Variants in PAK5 observed in about 807,000 individuals in gnomAD.
PAK5 encodes the protein serine/threonine-protein kinase PAK 5.
Under a neutral mutation model 65.9 loss-of-function variants are expected in PAK5, and 16 were observed. The observed-to-expected ratio is 0.24, with a 90% confidence interval of 0.16 to 0.37. PAK5 has a LOEUF of 0.37. PAK5 is among the 10% of genes least tolerant of loss of function. The pLI is 1.00. For missense variants in PAK5, 785 were observed against 903.9 expected (o/e 0.87, Z 1.69); for synonymous variants, 371 against 354.9 (o/e 1.05, Z -0.51).
intron 1 of PAK5, among the ~76,000 whole-genome samples, chr20:9,809,335 A>ATTTT (rs3061945): frequency 0.061 from 8,295 of 135,204 alleles, 733 homozygotes; most frequent in African/African-American, 0.18. Context: ...GGCAATCCAA[A>ATTTT]TTTTTTTTTT....
chr20:9,584,428 T>C (rs1013559433), intron 3 of PAK5, among the ~76,000 whole-genome samples: 2 of 152,352 alleles, frequency 1.3e-5, no homozygotes, highest in East Asian at 3.9e-4. Context: ...TTCTCCTGCC[T>C]CAGCCTCCCC....
intron 3 of PAK5, among the ~76,000 whole-genome samples, chr20:9,617,068 G>T (rs2046670256): frequency 6.6e-6 from 1 of 152,196 alleles, no homozygotes; most frequent in Non-Finnish European, 1.5e-5. Flanking sequence ...TCAAAAGTGA[G>T]ATCAAACTAA....
intron 2 of PAK5, among the ~76,000 whole-genome samples, chr20:9,669,266 C>T (rs2047460726): frequency 2.0e-5 from 3 of 151,940 alleles, no homozygotes; most frequent in African/African-American, 7.3e-5. Context: ...CTCAGATTAC[C>T]AATATATTTA....
At chr20:9,740,098 G>T (rs749217600) in intron 1 of PAK5, among the ~76,000 whole-genome samples, 19 of 152,176 alleles carry the variant, frequency 1.2e-4, no homozygotes, top group Non-Finnish European at 2.5e-4. Context: ...ATAGGGAAAA[G>T]GAATTAAAAG....
chr20:9,641,393 A>G (rs6077573), intron 3 of PAK5, among the ~76,000 whole-genome samples: 1 of 145,710 alleles, frequency 6.9e-6, no homozygotes, highest in South Asian at 2.4e-4. Context: ...CCTTGAGCTA[A>G]ACACAGGGTG....
At chr20:9,622,535 C>T (rs1184661820) in intron 3 of PAK5, among the ~76,000 whole-genome samples, 1 of 152,180 alleles carries the variant, frequency 6.6e-6, no homozygotes, top group African/African-American at 2.4e-5. Flanking sequence ...GGTGTCCAAC[C>T]CGCGGGTCAT....
At chr20:9,581,161 T>C (rs1406129683) in intron 3 of PAK5, among the ~76,000 whole-genome samples, 1 of 152,196 alleles carries the variant, frequency 6.6e-6, no homozygotes, top group Non-Finnish European at 1.5e-5. Flanking sequence ...AACAGAGACA[T>C]CAAATAACCA....
intron 2 of PAK5, among the ~76,000 whole-genome samples, chr20:9,688,196 A>G (rs999983001): frequency 2.0e-5 from 3 of 152,110 alleles, no homozygotes; most frequent in Non-Finnish European, 4.4e-5. Flanking sequence ...AACAGAGGGC[A>G]GACTTTGCTT....
chr20:9,738,570 C>T (rs1055913222), intron 1 of PAK5, among the ~76,000 whole-genome samples: 1 of 152,090 alleles, frequency 6.6e-6, no homozygotes, highest in Non-Finnish European at 1.5e-5. Flanking sequence ...AGGAAAAAAA[C>T]ATACTGAACG....
At chr20:9,738,011 C>T (rs764476487) in intron 1 of PAK5, among the ~76,000 whole-genome samples, 3 of 151,898 alleles carry the variant, frequency 2.0e-5, no homozygotes, top group Non-Finnish European at 4.4e-5. Context: ...TGTGGTGGCA[C>T]GTGCCTGTAG....
chr20:9,707,011 C>T (rs2048016682), intron 2 of PAK5, among the ~76,000 whole-genome samples: 1 of 152,104 alleles, frequency 6.6e-6, no homozygotes, highest in African/African-American at 2.4e-5. Context: ...TATTTCTTGT[C>T]TTTAATCCTC....
At chr20:9,813,758 T>C (rs2049324816) in intron 1 of PAK5, among the ~76,000 whole-genome samples, 1 of 152,196 alleles carries the variant, frequency 6.6e-6, no homozygotes, top group Admixed American at 6.5e-5. Flanking sequence ...ATGATTCCAA[T>C]TTTAATCGAT....
chr20:9,724,289 T>C (rs2123530346), intron 1 of PAK5, among the ~76,000 whole-genome samples: 1 of 152,178 alleles, frequency 6.6e-6, no homozygotes, highest in East Asian at 1.9e-4. Flanking sequence ...TTCTCTCAAG[T>C]GTAAGTTTTC....
At chr20:9,549,389 G>A (rs949441957) in intron 7 of PAK5, among the ~76,000 whole-genome samples, 8 of 152,112 alleles carry the variant, frequency 5.3e-5, no homozygotes, top group Admixed American at 5.2e-4. Flanking sequence ...AACCTAGATA[G>A]AAAGTCAAGC....
At chr20:9,817,498 G>A (rs982194896) in intron 1 of PAK5, among the ~76,000 whole-genome samples, 12 of 152,000 alleles carry the variant, frequency 7.9e-5, no homozygotes, top group Admixed American at 5.2e-4. Flanking sequence ...CTTAATCTCC[G>A]GGGAAAGATA....
At chr20:9,793,318 G>T (rs998867530) in intron 1 of PAK5, among the ~76,000 whole-genome samples, 7 of 152,090 alleles carry the variant, frequency 4.6e-5, no homozygotes, top group African/African-American at 1.7e-4. Context: ...GTTTTAAAAA[G>T]ATAAAATTTT....
intron 3 of PAK5, among the ~76,000 whole-genome samples, chr20:9,608,893 G>A (rs1022480428): frequency 2.0e-5 from 3 of 152,202 alleles, no homozygotes; most frequent in African/African-American, 7.2e-5. Flanking sequence ...TGCAGCTGGT[G>A]ATGGCAACAA....
chr20:9,678,395 G>C (rs1313494593), intron 2 of PAK5, among the ~76,000 whole-genome samples: 1 of 152,100 alleles, frequency 6.6e-6, no homozygotes, highest in Non-Finnish European at 1.5e-5. Context: ...GTGAAACCCC[G>C]TCTCTACTAA....
At chr20:9,716,801 G>T (rs1024162166) in intron 1 of PAK5, among the ~76,000 whole-genome samples, 1 of 151,976 alleles carries the variant, frequency 6.6e-6, no homozygotes, top group Non-Finnish European at 1.5e-5. Context: ...AGCAATCTGG[G>T]GGCCAGGTGT....
Sources: gnomAD v4.1 joint callset for allele counts (sites outside exome capture counted in the v4.1 genomes callset) on GRCh38, gnomAD v4.1.1 for gene constraint, MANE v1.5 for transcripts, NCBI Gene and HGNC (gene_info 2026-07-23, HGNC 2026-07-21) for gene names.